Variants in ADGRB3 observed in about 807,000 individuals in gnomAD.
The protein encoded by ADGRB3 is brain-specific angiogenesis inhibitor 3.
Under a neutral mutation model 193.4 loss-of-function variants are expected in ADGRB3, and 37 were observed. That is an observed-to-expected ratio of 0.19 (90% CI 0.15 to 0.25). The LOEUF is 0.25. Ranked by LOEUF, ADGRB3 falls within the 10% of genes least tolerant of loss-of-function variation. The pLI, the probability that ADGRB3 is intolerant of heterozygous loss-of-function variation, is 1.00. For synonymous variants in ADGRB3, 690 were observed against 644.2 expected (o/e 1.07, Z -1.08); for missense variants, 1,637 against 1,852.9 (o/e 0.88, Z 2.14).
intron 17 of ADGRB3, among the ~76,000 whole-genome samples, chr6:69,090,970 A>T (rs561979092): frequency 6.6e-6 from 1 of 152,340 alleles, no homozygotes; most frequent in African/African-American, 2.4e-5. Flanking sequence ...AAGTATATTT[A>T]AAAATGCCTT....
chr6:69,022,444 A>G (rs1001595416), intron 13 of ADGRB3, among the ~76,000 whole-genome samples: 1 of 151,852 alleles, frequency 6.6e-6, no homozygotes. Context: ...TTATTTGAAG[A>G]TTTATTTCAA....
intron 3 of ADGRB3, among the ~76,000 whole-genome samples, chr6:68,734,495 A>C (rs1765835540): frequency 6.6e-6 from 1 of 152,046 alleles, no homozygotes; most frequent in Non-Finnish European, 1.5e-5. Context: ...AAACACAGGA[A>C]ACAAACATTG....
intron 3 of ADGRB3, among the ~76,000 whole-genome samples, chr6:68,840,973 T>C (rs1768147498): frequency 6.6e-6 from 1 of 152,132 alleles, no homozygotes; most frequent in African/African-American, 2.4e-5. Flanking sequence ...AAAAAGTAGA[T>C]TTCAAGACAA....
At chr6:69,355,104 G>T (rs1769311342) in intron 27 of ADGRB3, among the ~76,000 whole-genome samples, 1 of 152,120 alleles carries the variant, frequency 6.6e-6, no homozygotes, top group Non-Finnish European at 1.5e-5. Context: ...CAAATAGATA[G>T]CCAAAATCTC....
At chr6:69,377,484 A>G (rs1333454029) in intron 30 of ADGRB3, among the ~76,000 whole-genome samples, 2 of 152,048 alleles carry the variant, frequency 1.3e-5, no homozygotes, top group East Asian at 3.9e-4. Context: ...CTTTTCATCT[A>G]GAAGCCAGCC....
intron 28 of ADGRB3, among the ~76,000 whole-genome samples, chr6:69,358,204 G>C (rs1185033898): frequency 6.6e-6 from 1 of 151,886 alleles, no homozygotes; most frequent in African/African-American, 2.4e-5. Context: ...TAGACCATCA[G>C]TGTTATCATC....
At chr6:68,971,262 A>G (rs1195259816) in intron 8 of ADGRB3, among the ~76,000 whole-genome samples, 1 of 152,212 alleles carries the variant, frequency 6.6e-6, no homozygotes, top group Non-Finnish European at 1.5e-5. Flanking sequence ...AACTATTTAT[A>G]TAGCATTTAC....
At chr6:68,763,570 G>A (rs2127352330) in intron 3 of ADGRB3, among the ~76,000 whole-genome samples, 1 of 152,230 alleles carries the variant, frequency 6.6e-6, no homozygotes, top group African/African-American at 2.4e-5. Context: ...TAGAATTACT[G>A]AATGATAAGG....
intron 3 of ADGRB3, among the ~76,000 whole-genome samples, chr6:68,897,881 A>G (rs1337280175): frequency 6.7e-6 from 1 of 149,466 alleles, no homozygotes; most frequent in Non-Finnish European, 1.5e-5. Flanking sequence ...AGAAAGAAAG[A>G]AAGAAAAAAG....
chr6:69,232,679 G>A (rs562615481), intron 17 of ADGRB3: 28 of 1,458,304 alleles, frequency 1.9e-5, no homozygotes, highest in African/African-American at 5.6e-5. Flanking sequence ...AATGAGAGTC[G>A]GAACCAGCTG....
intron 3 of ADGRB3, among the ~76,000 whole-genome samples, chr6:68,757,850 T>C (rs1029280954): frequency 1.3e-5 from 2 of 152,124 alleles, no homozygotes; most frequent in East Asian, 1.9e-4. Flanking sequence ...ATGGAAACTA[T>C]TCTCTAGCAT....
intron 17 of ADGRB3, among the ~76,000 whole-genome samples, chr6:69,127,009 T>C (rs1773870986): frequency 6.6e-6 from 1 of 152,186 alleles, no homozygotes; most frequent in South Asian, 2.1e-4. Flanking sequence ...GAAATTGAGA[T>C]TGGGTTGGAA....
intron 3 of ADGRB3, among the ~76,000 whole-genome samples, chr6:68,760,115 T>A (rs1051596087): frequency 6.6e-6 from 1 of 152,236 alleles, no homozygotes; most frequent in African/African-American, 2.4e-5. Flanking sequence ...TCAGTACTTC[T>A]GATCATTGTA....
chr6:68,881,526 T>G (rs937979462), intron 3 of ADGRB3, among the ~76,000 whole-genome samples: 1 of 152,182 alleles, frequency 6.6e-6, no homozygotes, highest in Non-Finnish European at 1.5e-5. Context: ...ACACATTCTT[T>G]CTCTTCTTGT....
intron 11 of ADGRB3, among the ~76,000 whole-genome samples, chr6:69,010,995 A>G (rs745745834): frequency 4.6e-5 from 7 of 151,934 alleles, no homozygotes; most frequent in Non-Finnish European, 7.4e-5. Context: ...AAATTCAATC[A>G]TGCGGCCTGA....
chr6:69,288,623 G>T (rs1444524138), intron 20 of ADGRB3, among the ~76,000 whole-genome samples: 2 of 152,128 alleles, frequency 1.3e-5, no homozygotes, highest in African/African-American at 2.4e-5. Context: ...AATTTTAAAA[G>T]TTTCAACAAT....
intron 17 of ADGRB3, among the ~76,000 whole-genome samples, chr6:69,112,506 G>T (rs1001324232): frequency 6.6e-6 from 1 of 151,928 alleles, no homozygotes. Flanking sequence ...AGTTAGGTAC[G>T]CTTCACAAGC....
intron 3 of ADGRB3, among the ~76,000 whole-genome samples, chr6:68,816,816 T>C (rs561605050): frequency 6.6e-6 from 1 of 151,978 alleles, no homozygotes; most frequent in Non-Finnish European, 1.5e-5. Flanking sequence ...AATCAGGAAA[T>C]CTTTGTGCTT....
chr6:69,216,141 G>C (rs917535068), intron 17 of ADGRB3, among the ~76,000 whole-genome samples: 43 of 152,080 alleles, frequency 2.8e-4, no homozygotes, highest in African/African-American at 1.0e-3. Context: ...CAAAATCCTA[G>C]TAATTGCCTG....
Sources: gnomAD v4.1 joint callset for allele counts (sites outside exome capture counted in the v4.1 genomes callset) on GRCh38, gnomAD v4.1.1 for gene constraint, MANE v1.5 for transcripts, NCBI Gene and HGNC (gene_info 2026-07-23, HGNC 2026-07-21) for gene names.